Variants in PEX5L observed in about 807,000 individuals in gnomAD.
PEX5L encodes the protein PEX5-related protein.
PEX5L carries 30 observed loss-of-function variants against 84.0 expected under a neutral mutation model. The observed-to-expected ratio is 0.36, with a 90% CI of 0.27 to 0.48. The LOEUF (loss-of-function observed/expected upper bound fraction) is 0.48. Among genes scored for constraint, PEX5L ranks in the 20% least tolerant of loss-of-function variants. The pLI, the probability that PEX5L is intolerant of heterozygous loss-of-function variation, is 0.99. For missense variants in PEX5L, 533 were observed against 754.6 expected, an observed-to-expected ratio of 0.71 and a Z score of 3.44; for synonymous variants, 270 against 283.1, an observed-to-expected ratio of 0.95 and a Z score of 0.46.
chr3:179,945,696 G>C (rs983648000), intron 2 of PEX5L, among the ~76,000 whole-genome samples: 9 of 152,160 alleles, frequency 5.9e-5, no homozygotes, highest in African/African-American at 2.2e-4. Flanking sequence ...CTTTCCTTGG[G>C]AGTGCTACAG....
chr3:179,951,123 C>T (rs1254258989), intron 2 of PEX5L, among the ~76,000 whole-genome samples: 1 of 152,170 alleles, frequency 6.6e-6, no homozygotes, highest in Non-Finnish European at 1.5e-5. Context: ...TCCCTCCCAC[C>T]TCAATGAAAT....
At chr3:179,866,968 G>A (rs1036802025) in intron 7 of PEX5L, among the ~76,000 whole-genome samples, 1 of 147,520 alleles carries the variant, frequency 6.8e-6, no homozygotes. Flanking sequence ...AGATGTTGCC[G>A]TGAGTCGAGA....
intron 8 of PEX5L, among the ~76,000 whole-genome samples, chr3:179,839,797 T>C (rs1014712445): frequency 3.3e-5 from 5 of 152,236 alleles, no homozygotes; most frequent in African/African-American, 1.2e-4. Context: ...AAATGAATAA[T>C]ATAATTTCAC....
intron 1 of PEX5L, chr3:179,973,286 T>G: frequency 7.8e-7 from 1 of 1,284,486 alleles, no homozygotes; most frequent in Non-Finnish European, 1.0e-6. Context: ...AGTGGCTTCC[T>G]TGCCAGAACT....
At chr3:180,019,005 A>C (rs1445658206) in intron 1 of PEX5L, among the ~76,000 whole-genome samples, 4 of 152,224 alleles carry the variant, frequency 2.6e-5, no homozygotes, top group African/African-American at 9.6e-5. Flanking sequence ...ATCAGGTGTG[A>C]ATGGTCAATA....
chr3:179,845,214 T>G lies in PEX5L; in HGVS notation c.822+13848A>C, dbSNP rs189285972. 9.2e-5 allele frequency among the ~76,000 whole-genome samples: 14 copies of G among 152,342 alleles called. No individual in the cohort carries two copies. The East Asian group carries it at 2.1e-3, about 23-fold the overall frequency. On this transcript the variant is annotated intron_variant, in intron 8 of 14. Transcript: ENST00000467460. ...AATAATCCAATATATTCTGATTTTT[T>G]GGGGCTTGAGGTTATTTATTCATTT... is the stretch of plus-strand genomic sequence containing the variant.
intron 1 of PEX5L, among the ~76,000 whole-genome samples, chr3:180,031,704 A>G (rs922947647): frequency 4.6e-5 from 7 of 152,192 alleles, no homozygotes; most frequent in African/African-American, 1.7e-4. Flanking sequence ...TAACAGCTTT[A>G]GCTTATGTTG....
intron 1 of PEX5L, among the ~76,000 whole-genome samples, chr3:180,030,922 C>CTT (rs56182937): frequency 1.4e-5 from 2 of 139,438 alleles, no homozygotes; most frequent in African/African-American, 2.6e-5. Flanking sequence ...GGATTTTTGT[C>CTT]TTTTTTTTTT....
intron 4 of PEX5L, among the ~76,000 whole-genome samples, chr3:179,885,108 T>G (rs1459559858): frequency 6.6e-6 from 1 of 152,170 alleles, no homozygotes; most frequent in Non-Finnish European, 1.5e-5. Context: ...TAAAAATCTG[T>G]GTGAACCAGG....
intron 2 of PEX5L, among the ~76,000 whole-genome samples, chr3:179,911,238 C>T (rs964935942): frequency 2.0e-5 from 3 of 152,150 alleles, no homozygotes; most frequent in African/African-American, 7.2e-5. Context: ...ATTCTGTTTG[C>T]TTATCAATTC....
chr3:179,912,388 G>A (rs1370059437), intron 2 of PEX5L, among the ~76,000 whole-genome samples: 2 of 151,994 alleles, frequency 1.3e-5, no homozygotes, highest in Non-Finnish European at 2.9e-5. Flanking sequence ...TGGGTCCAAA[G>A]ATAAAAGCAA....
At chr3:180,033,237 T>C (rs1791613357) in intron 1 of PEX5L, among the ~76,000 whole-genome samples, 2 of 152,334 alleles carry the variant, frequency 1.3e-5, no homozygotes, top group African/African-American at 2.4e-5. Context: ...TTTTTGTCAT[T>C]TAAATTTTCC....
intron 7 of PEX5L, among the ~76,000 whole-genome samples, chr3:179,868,923 G>A (rs758399623): frequency 2.2e-4 from 34 of 151,310 alleles, no homozygotes; most frequent in Middle Eastern, 6.8e-3. Context: ...GTGTATACAC[G>A]TTAAGAACAT....
At chr3:179,953,641 C>T (rs1779703202) in intron 2 of PEX5L, among the ~76,000 whole-genome samples, 1 of 152,034 alleles carries the variant, frequency 6.6e-6, no homozygotes, top group Non-Finnish European at 1.5e-5. Context: ...AAGTTGGTTT[C>T]CATGATGCTG....
intron 2 of PEX5L, among the ~76,000 whole-genome samples, chr3:179,953,052 C>T (rs1397357587): frequency 2.0e-5 from 3 of 152,046 alleles, no homozygotes; most frequent in African/African-American, 7.2e-5. Flanking sequence ...TAGCCATATG[C>T]AGAAAACTGA....
In PEX5L at chr3:179,795,716, G is replaced by A. The variant is rs897100515; in HGVS notation, c.*6112C>T. On this transcript the variant is annotated 3_prime_UTR_variant, in exon 15 of 15. Transcript: ENST00000467460. ...AAATCCCAAGACTTTAAACATTTATGAGCATGAGGAGGAAGCATCACAGAA... is the reference window on the plus strand; with the variant it reads ...AAATCCCAAGACTTTAAACATTTATAAGCATGAGGAGGAAGCATCACAGAA... The A allele has an allele frequency of 5.9e-5, 9 of 152,218 alleles. No homozygotes were observed. Among genetic ancestry groups the A allele is most frequent in the Non-Finnish European group, 1.3e-4 (9 of 68,010 alleles). 9.4% of individuals were successfully genotyped at this position (152,218 alleles called of 1,614,324 possible).
intron 2 of PEX5L, among the ~76,000 whole-genome samples, chr3:179,909,211 TTTGAGTTCTTCCAGTTTAGG>T (rs1764335215): frequency 3.3e-5 from 5 of 152,108 alleles, no homozygotes; most frequent in Admixed American, 3.3e-4. Flanking sequence ...TTGATGGATA[TTTGAGTTCTTCCAGTTTAGG>T]GCAATTATAG....
chr3:179,964,094 T>C (rs1273549011), intron 2 of PEX5L, among the ~76,000 whole-genome samples: 2 of 152,092 alleles, frequency 1.3e-5, no homozygotes, highest in Non-Finnish European at 2.9e-5. Context: ...TGAATAAACT[T>C]AATAATCAGG....
intron 1 of PEX5L, among the ~76,000 whole-genome samples, chr3:180,027,816 G>A (rs955178550): frequency 3.9e-5 from 6 of 152,106 alleles, no homozygotes; most frequent in East Asian, 1.9e-4. Flanking sequence ...CAGCTTCTCA[G>A]CTTTTTCTTG....
Sources: allele counts gnomAD v4.1 joint callset (sites outside exome capture counted in the v4.1 genomes callset), GRCh38; gene constraint gnomAD v4.1.1; transcripts MANE v1.5; gene names NCBI Gene and HGNC (gene_info 2026-07-23, HGNC 2026-07-21).